STXBP5L: variants seen among roughly 807,000 people sequenced by gnomAD.
The protein encoded by STXBP5L is syntaxin binding protein 5L.
In STXBP5L, 65 loss-of-function variants were observed where a neutral mutation model predicts 144.5. That is an observed-to-expected ratio of 0.45 (90% CI 0.37 to 0.55). STXBP5L has a LOEUF of 0.55. Ranked by LOEUF, STXBP5L falls within the 20% of genes least tolerant of loss-of-function variation. The pLI is 0.00. For synonymous variants in STXBP5L, 505 were observed against 469.6 expected, an observed-to-expected ratio of 1.08 and a Z score of -0.97; for missense variants, 1,298 against 1,405.5, an observed-to-expected ratio of 0.92 and a Z score of 1.22.
chr3:121,025,027 C>A (rs1945828781), intron 3 of STXBP5L, among the ~76,000 whole-genome samples: 1 of 151,980 alleles, frequency 6.6e-6, no homozygotes, highest in African/African-American at 2.4e-5. Flanking sequence ...CAAATATTCC[C>A]CAAATTCCAA....
chr3:121,311,158 A>G (rs1559961567), intron 19 of STXBP5L, among the ~76,000 whole-genome samples: 1 of 152,198 alleles, frequency 6.6e-6, no homozygotes, highest in Non-Finnish European at 1.5e-5. Context: ...AGAGAAATTT[A>G]AAATCATAAT....
chr3:121,313,897 G>C (rs1181762506), intron 19 of STXBP5L, among the ~76,000 whole-genome samples: 200 of 146,338 alleles, frequency 1.4e-3, no homozygotes, highest in Non-Finnish European at 2.5e-3. Context: ...GCCGGGCAGA[G>C]ACGCTCCTCA....
intron 5 of STXBP5L, among the ~76,000 whole-genome samples, chr3:121,049,246 G>A (rs1257243571): frequency 6.6e-6 from 1 of 152,108 alleles, no homozygotes; most frequent in African/African-American, 2.4e-5. Flanking sequence ...GATCTTGAGG[G>A]CATCAGTGGG....
chr3:121,041,724 C>T lies in STXBP5L; in HGVS notation c.312C>T (p.Cys104=), dbSNP rs1465351791. ...IRILGRPGVD[C]YCQHESGAAV... is the part of the protein sequence containing the mutation. The stretch of plus-strand genomic sequence containing the variant: ...GACTCGGGAGACCTGGTGTTGATTG[C>T]TATTGCCAACATGAAAGTGGTGCAG... The change falls in exon 4 of 27, where the codon TGC becomes TGT. Residue 104 remains cysteine (C), a synonymous_variant. Coordinates refer to ENST00000471454, the MANE Select transcript of STXBP5L (RefSeq NM_001308330.2). 1.9e-6 allele frequency: 3 copies of T among 1,612,462 alleles called. No individual in the cohort carries two copies. Among genetic ancestry groups the T allele is most frequent in the Admixed American group, 1.7e-5 (1 of 59,892 alleles).
At position 121,060,434 on chromosome 3, in the gene STXBP5L, CTTGT is replaced by C. The variant is rs548037237; in HGVS notation, c.470+14905_470+14908del. On this transcript the variant is annotated intron_variant, in intron 5 of 26. Transcript: ENST00000471454. ...TCAGGGATATTGGCCTGAAATTTTCCTTGTTTGTTGTGTCTCTGCCAGATTTTGG... is the reference window on the plus strand; with the variant it reads ...TCAGGGATATTGGCCTGAAATTTTCCTTGTTGTGTCTCTGCCAGATTTTGG... 1.3e-4 allele frequency among the ~76,000 whole-genome samples: 19 copies of C among 151,932 alleles called. No homozygotes were observed. In the South Asian group the frequency reaches 3.7e-3, roughly 30 times the overall value.
Position 120,978,189 on chromosome 3 carries a change from A to G in STXBP5L, c.287+23152A>G, listed in dbSNP as rs150775284. Among the ~76,000 whole-genome samples, 423 of 152,316 alleles carry G rather than the reference A, an allele frequency of 2.8e-3. 5 individuals are homozygous for G. Among genetic ancestry groups the G allele is most frequent in the African/African-American group, 9.8e-3 (406 of 41,582 alleles). On this transcript the variant is annotated intron_variant, in intron 3 of 26. Coordinates refer to ENST00000471454, the MANE Select transcript of STXBP5L (RefSeq NM_001308330.2). The stretch of plus-strand genomic sequence containing the variant: ...TGTCACTTTCAGATACACCAATCAG[A>G]TGTAGATTCCGTCTTTTCACCTAGT...
chr3:121,066,791 G>A (rs2041571202), intron 5 of STXBP5L, among the ~76,000 whole-genome samples: 1 of 151,938 alleles, frequency 6.6e-6, no homozygotes, highest in African/African-American at 2.4e-5. Flanking sequence ...TGAAATTTTG[G>A]TGTTCCCTCT....
chr3:120,985,651 G>T (rs1023526824), intron 3 of STXBP5L, among the ~76,000 whole-genome samples: 1 of 151,992 alleles, frequency 6.6e-6, no homozygotes, highest in African/African-American at 2.4e-5. Context: ...AGTGTTGGTA[G>T]ATTTTGTGTT....
chr3:121,334,599 C>T (rs549239070), intron 20 of STXBP5L, among the ~76,000 whole-genome samples: 1 of 150,840 alleles, frequency 6.6e-6, no homozygotes, highest in Non-Finnish European at 1.5e-5. Flanking sequence ...CAAAAAAATA[C>T]GTGCAAATCA....
intron 20 of STXBP5L, among the ~76,000 whole-genome samples, chr3:121,365,610 C>T (rs547160842): frequency 5.9e-5 from 9 of 151,746 alleles, no homozygotes; most frequent in African/African-American, 2.2e-4. Flanking sequence ...GTAGAATCAG[C>T]AATAATGTCC....
At chr3:121,067,573 A>C (rs2041606630) in intron 5 of STXBP5L, among the ~76,000 whole-genome samples, 1 of 152,118 alleles carries the variant, frequency 6.6e-6, no homozygotes, top group Non-Finnish European at 1.5e-5. Flanking sequence ...GCACAAACTA[A>C]TTTTACTATT....
chr3:121,058,639 T>A (rs1948616154), intron 5 of STXBP5L, among the ~76,000 whole-genome samples: 1 of 152,210 alleles, frequency 6.6e-6, no homozygotes, highest in African/African-American at 2.4e-5. Context: ...CAGCATCTGT[T>A]GTTTCCTGAC....
At chr3:121,221,590 A>G (rs552964762) in intron 10 of STXBP5L, among the ~76,000 whole-genome samples, 41 of 151,582 alleles carry the variant, frequency 2.7e-4, no homozygotes, top group South Asian at 4.1e-4. Flanking sequence ...ATAAATAACT[A>G]TATTAGAAAT....
Position 121,407,245 on chromosome 3 carries a change from A to G in STXBP5L, c.2590A>G (p.Thr864Ala), listed in dbSNP as rs749813823. ...GTGATGTCCAATTGTTTTTATAGGT[A>G]CATTCCTCTCATTGAAAGGAGCTGT... ...TEPVMVLPSG[T>A]FLSLKGAVLT... is the part of the protein sequence containing the mutation. Residue 864 changes from threonine to alanine, a missense_variant and splice_region_variant, in exon 23 of 27, where the codon ACA (threonine) becomes GCA (alanine). Transcript: ENST00000471454. 5.8e-6 allele frequency: 9 copies of G among 1,555,126 alleles called. No individual in the cohort carries two copies. Among genetic ancestry groups the G allele is most frequent in the Admixed American group, 2.0e-5 (1 of 50,442 alleles).
chr3:121,005,638 G>C (rs1326609326), intron 3 of STXBP5L, among the ~76,000 whole-genome samples: 1 of 152,080 alleles, frequency 6.6e-6, no homozygotes, highest in East Asian at 1.9e-4. Flanking sequence ...TTTTAATTGT[G>C]ATGTTAGGGT....
intron 7 of STXBP5L, among the ~76,000 whole-genome samples, chr3:121,148,997 G>A (rs973967347): frequency 5.9e-5 from 9 of 152,002 alleles, no homozygotes; most frequent in Admixed American, 2.0e-4. Flanking sequence ...TGTCTAATTC[G>A]AAACAGGTAA....
chr3:121,170,800 C>T (rs983467863), intron 9 of STXBP5L, among the ~76,000 whole-genome samples: 2 of 152,144 alleles, frequency 1.3e-5, no homozygotes, highest in Admixed American at 6.5e-5. Flanking sequence ...GAAACTATTT[C>T]AAACAATAGA....
intron 19 of STXBP5L, among the ~76,000 whole-genome samples, chr3:121,305,709 CT>C (rs1202010973): frequency 7.2e-5 from 11 of 152,026 alleles, no homozygotes; most frequent in East Asian, 3.9e-4. Context: ...GAAATACTGA[CT>C]TTTTTTTGTA....
chr3:121,312,368 CTTTTTTTTTT>C (rs71619793), intron 19 of STXBP5L, among the ~76,000 whole-genome samples: 1 of 60,086 alleles, frequency 1.7e-5, no homozygotes, highest in African/African-American at 6.5e-5. Context: ...TAAAGAGCTT[CTTTTTTTTTT>C]TTTTTTTTTT....
Sources: allele counts gnomAD v4.1 joint callset (sites outside exome capture counted in the v4.1 genomes callset), GRCh38; gene constraint gnomAD v4.1.1; transcripts MANE v1.5; gene names NCBI Gene and HGNC (gene_info 2026-07-23, HGNC 2026-07-21).